Variants in TTLL3 observed in about 807,000 individuals in gnomAD.
The protein encoded by TTLL3 is tubulin tyrosine ligase like 3, also known as tubulin monoglycylase TTLL3.
In TTLL3, 63 loss-of-function variants were observed where a neutral mutation model predicts 75.2. The ratio of observed to expected loss-of-function variants is 0.84; its 90% CI spans 0.68 to 1.03. The LOEUF is 1.03. TTLL3 is among the 50% of genes least tolerant of loss of function. The probability of loss-of-function intolerance (pLI) is 0.00; values close to 1 mark genes in which losing one functional copy is unlikely to be tolerated. For synonymous variants in TTLL3, 393 were observed against 418.5 expected (o/e 0.94, Z 0.74); for missense variants, 997 against 1,069.9 (o/e 0.93, Z 0.95).
chr3:9,810,758 G>C lies in TTLL3; in HGVS notation c.48+49G>C. Reference sequence around the variant, plus strand: ...TAGAAAGGGCCCTGGGAGCGGCTCAGCCTGTCTCCCTGCGCTGTTTTCTTA... The same window carrying C: ...TAGAAAGGGCCCTGGGAGCGGCTCACCCTGTCTCCCTGCGCTGTTTTCTTA... On this transcript the variant is annotated intron_variant, in intron 2 of 13. Coordinates refer to ENST00000685419, the MANE Select transcript of TTLL3 (RefSeq NM_001387446.1). This position sits in a 1 kb window ranked among gnomAD's most constrained non-coding sequence, Gnocchi z 4.4. 1 of 1,513,290 alleles carries C rather than the reference G, an allele frequency of 6.6e-7. No homozygotes were observed. The allele number at this position is 1,513,290 out of a possible 1,614,324, so 93.7% of individuals were successfully genotyped here.
At chr3:9,819,173 A>C in intron 7 of TTLL3, 3 of 517,342 alleles carry the variant, frequency 5.8e-6, no homozygotes, top group South Asian at 4.6e-5. Context: ...CCATCCTCCC[A>C]CCTGTCACCC....
rs1248073365 is a variant in TTLL3, at chr3:9,810,276, G to A, written c.-160G>A. 8 of 1,504,438 alleles carry A rather than the reference G, an allele frequency of 5.3e-6. No homozygotes were observed. The African/African-American group carries it at 5.8e-5, about 11-fold the overall frequency. 93.2% of individuals were successfully genotyped at this position (1,504,438 alleles called of 1,614,324 possible). On this transcript the variant is annotated 5_prime_UTR_variant, in exon 1 of 14. Transcript: ENST00000685419. The surrounding 1 kb of genome is among the most constrained non-coding windows in gnomAD (Gnocchi z 4.4). ...GCCAGGCGGGCAGCCCCGCCCCTGC[G>A]CGCCGCCTCAGCGGCGCCTTCAAGA...
chr3:9,825,670 A>G (rs751636655), intron 8 of TTLL3, 130 bp from the exon 9 acceptor site: 93 of 1,541,116 alleles, frequency 6.0e-5, no homozygotes, highest in Non-Finnish European at 7.8e-5. Context: ...GGACCTATGG[A>G]TATCTGCAGG....
chr3:9,817,226 C>T (rs2125701605), intron 5 of TTLL3, among the ~76,000 whole-genome samples: 1 of 152,192 alleles, frequency 6.6e-6, no homozygotes, highest in South Asian at 2.1e-4. Flanking sequence ...AGATCGAGAC[C>T]ATCCTGGCTA....
chr3:9,826,449 C>T (rs977015807), intron 9 of TTLL3, among the ~76,000 whole-genome samples: 32 of 152,098 alleles, frequency 2.1e-4, no homozygotes, highest in African/African-American at 7.2e-4. Flanking sequence ...GCCCCCAACA[C>T]TGGCCAGGTA....
chr3:9,812,819 C>T, intron 2 of TTLL3, 124 bp from the exon 3 acceptor site: 2 of 1,131,790 alleles, frequency 1.8e-6, no homozygotes, highest in Non-Finnish European at 2.3e-6. Context: ...CTGTTTATTT[C>T]TCCTAATGGA....
At chr3:9,813,648 G>A (rs2079548482) in intron 4 of TTLL3, among the ~76,000 whole-genome samples, 1 of 152,040 alleles carries the variant, frequency 6.6e-6, no homozygotes, top group Non-Finnish European at 1.5e-5. Context: ...ATCCGGGTGT[G>A]GTGGCATGTA....
At chr3:9,820,068 A>G (rs532261629) in intron 7 of TTLL3, 2 of 993,796 alleles carry the variant, frequency 2.0e-6, no homozygotes, top group Admixed American at 5.6e-5. Context: ...AACAGTGCAC[A>G]CAGAAGTTAG....
chr3:9,833,562 G>A lies in TTLL3; in HGVS notation c.1825+317G>A, dbSNP rs577410761. 9.9e-5 allele frequency among the ~76,000 whole-genome samples: 15 copies of A among 152,260 alleles called. No individual in the cohort carries two copies. The East Asian group carries it at 2.1e-3, about 22-fold the overall frequency. On this transcript the variant is annotated intron_variant, in intron 12 of 13. Coordinates refer to ENST00000685419, the MANE Select transcript of TTLL3 (RefSeq NM_001387446.1). ...GTAAGACCATTCCCCCAAAACACCC[G>A]AGTGTTCCAAGGCGATTTATTCCTG...
rs755160514 is a variant in TTLL3 at position 9,829,255 on chromosome 3, G to A, written c.1543G>A (p.Ala515Thr). The A allele has an allele frequency of 9.9e-6, 16 of 1,614,060 alleles. No homozygotes were observed. The highest frequency in any genetic ancestry group is 1.6e-4 in the Middle Eastern group (1 of 6,084). ...DFQPWLIEIN[A>T]SPTMAPSTAV... ...CCAGCCCTGGCTGATTGAGATCAAC[G>A]CCAGCCCCACGATGGCACCCTCCAC... Residue 515 changes from alanine (A) to threonine (T), a missense_variant, in exon 11 of 14, where the codon GCC becomes ACC. By Grantham distance (58) the Ala-to-Thr change is moderately conservative. Transcript: ENST00000685419.
intron 12 of TTLL3, 31 bp downstream of exon 12, chr3:9,833,276 C>A (rs778084040): frequency 6.2e-7 from 1 of 1,612,068 alleles, no homozygotes; most frequent in Non-Finnish European, 8.5e-7. Flanking sequence ...ACCCACAGGT[C>A]AGCTTCTAGG....
rs1221199570 is a variant in TTLL3 at position 9,834,215 on chromosome 3, A to G, written c.1826-466A>G. ...CTTATTTCAAAGATGACCTGATTTC[A>G]AAGATGCCAGGACTTAAGCCCAGGT... On this transcript the variant is annotated intron_variant, in intron 12 of 13. Coordinates refer to ENST00000685419, the MANE Select transcript of TTLL3 (RefSeq NM_001387446.1). The G allele has an allele frequency of 8.5e-6, 3 of 354,340 alleles. No individual in the cohort carries two copies. The East Asian group carries it at 2.2e-4, about 26-fold the overall frequency. 21.9% of individuals were successfully genotyped at this position (354,340 alleles called of 1,614,324 possible).
At chr3:9,815,010 G>C (rs1380911028) in intron 4 of TTLL3, among the ~76,000 whole-genome samples, 1 of 151,918 alleles carries the variant, frequency 6.6e-6, no homozygotes, top group Non-Finnish European at 1.5e-5. Flanking sequence ...GGCCAAGGCG[G>C]GTGGATTATT....
intron 5 of TTLL3, among the ~76,000 whole-genome samples, chr3:9,817,146 C>T (rs371121094): frequency 9.2e-5 from 14 of 152,092 alleles, no homozygotes; most frequent in East Asian, 3.9e-4. Context: ...AAGGGTGGGC[C>T]GGGCACAGTG....
upstream of TTLL3, chr3:9,809,982 G>GGAGGGCGGGCGCGGGATCAGGGGCCCTGA (rs1559733267): frequency 1.5e-6 from 2 of 1,299,410 alleles, no homozygotes; most frequent in Non-Finnish European, 1.9e-6. Flanking sequence ...AGGGGCCCTG[G>GGAGGGCGGGCGCGGGATCAGGGGCCCTGA]GAGGGCGAGC....
chr3:9,810,131 CG>C, upstream of TTLL3: 1 of 1,472,050 alleles, frequency 6.8e-7, no homozygotes, highest in South Asian at 1.3e-5. This position sits in a 1 kb window ranked among gnomAD's most constrained non-coding sequence, Gnocchi z 4.4. Flanking sequence ...AAGCCGCAGC[CG>C]CTCGAGCCAC....
At chr3:9,827,783 G>A (rs2081185469) in intron 10 of TTLL3, 1 of 151,504 alleles carries the variant, frequency 6.6e-6, no homozygotes, top group African/African-American at 2.5e-5. Context: ...CAGCTCTCAA[G>A]GGCTTACATT....
At chr3:9,834,253 C>T (rs999350989) in intron 12 of TTLL3, 29 of 401,090 alleles carry the variant, frequency 7.2e-5, no homozygotes, top group Admixed American at 2.8e-4. Flanking sequence ...CTCTCTCCAG[C>T]GCCCACGCTT....
At chr3:9,834,112 CA>C (rs34679102) in intron 12 of TTLL3, 34,171 of 130,868 alleles carry the variant, frequency 0.26, 1,464 homozygotes, top group East Asian at 0.39. Context: ...AACTCTGTCT[CA>C]AAAAAAAAAA....
Sources: allele counts gnomAD v4.1 joint callset (sites outside exome capture counted in the v4.1 genomes callset), GRCh38; gene constraint gnomAD v4.1.1; non-coding constraint Gnocchi (gnomAD v3.1); transcripts MANE v1.5; gene names NCBI Gene and HGNC (gene_info 2026-07-23, HGNC 2026-07-21).